FAM114A1: variants seen among roughly 807,000 people sequenced by gnomAD.
FAM114A1 encodes the protein protein NOXP20.
A neutral mutation model predicts 64.3 loss-of-function variants in FAM114A1; 62 were observed. The observed-to-expected ratio is 0.96, with a 90% CI of 0.79 to 1.19. The LOEUF (loss-of-function observed/expected upper bound fraction) is 1.19. Among genes scored for constraint, FAM114A1 ranks in the 50% most tolerant of loss-of-function variants. The pLI is 0.00. For missense variants in FAM114A1, 645 were observed against 676.3 expected (o/e 0.95, Z 0.51); for synonymous variants, 254 against 251.1 (o/e 1.01, Z -0.11).
chr4:38,926,331 G>C (rs1011793274), intron 9 of FAM114A1, among the ~76,000 whole-genome samples: 14 of 152,204 alleles, frequency 9.2e-5, no homozygotes, highest in Admixed American at 4.6e-4. Flanking sequence ...TGCTGCCCAG[G>C]TGTGCCCAGC....
intron 4 of FAM114A1, among the ~76,000 whole-genome samples, chr4:38,900,693 T>G (rs913672112): frequency 1.3e-5 from 2 of 152,132 alleles, no homozygotes; most frequent in African/African-American, 4.8e-5. Context: ...CACTTAGAAA[T>G]AGTCAAAATC....
intron 12 of FAM114A1, 24 bp downstream of exon 12, chr4:38,932,398 C>A (rs1384714446): frequency 1.9e-6 from 3 of 1,576,312 alleles, no homozygotes; most frequent in East Asian, 2.3e-5. Flanking sequence ...ACTTTAAATT[C>A]TTATTTTCCC....
chr4:38,913,097 A>G (rs1718713565), intron 7 of FAM114A1, among the ~76,000 whole-genome samples: 1 of 152,188 alleles, frequency 6.6e-6, no homozygotes, highest in East Asian at 1.9e-4. Context: ...TCTATTCTTC[A>G]GTTGTCTTCC....
intron 3 of FAM114A1, among the ~76,000 whole-genome samples, chr4:38,882,254 G>A (rs1715352042): frequency 7.4e-6 from 1 of 135,578 alleles, no homozygotes; most frequent in African/African-American, 2.8e-5. Flanking sequence ...GGAGCTTGCA[G>A]TGAGCCGAGA....
chr4:38,920,122 G>A (rs1353381849), intron 8 of FAM114A1, among the ~76,000 whole-genome samples: 4 of 151,808 alleles, frequency 2.6e-5, no homozygotes, highest in Middle Eastern at 3.4e-3. Flanking sequence ...CAGGAGAATC[G>A]CTTGAACCCG....
intron 14 of FAM114A1, among the ~76,000 whole-genome samples, chr4:38,943,148 G>C (rs572849555): frequency 3.4e-5 from 5 of 148,006 alleles, no homozygotes; most frequent in South Asian, 2.1e-4. Context: ...AGCCAAGATC[G>C]TGCCTCTGCA....
chr4:38,881,981 A>G (rs1715314620), intron 3 of FAM114A1, among the ~76,000 whole-genome samples: 1 of 152,190 alleles, frequency 6.6e-6, no homozygotes, highest in Admixed American at 6.5e-5. Flanking sequence ...CCCCATGTAC[A>G]TCTACACCTG....
At chr4:38,882,306 G>A (rs1179786590) in intron 3 of FAM114A1, among the ~76,000 whole-genome samples, 9 of 100,882 alleles carry the variant, frequency 8.9e-5, no homozygotes, top group African/African-American at 2.0e-4. Flanking sequence ...GCGACAGAGC[G>A]AGACTCCGTC....
chr4:38,868,934 A>G (rs1191616445), intron 2 of FAM114A1, among the ~76,000 whole-genome samples: 1 of 152,174 alleles, frequency 6.6e-6, no homozygotes, highest in African/African-American at 2.4e-5. Context: ...AAGGAATGAG[A>G]CGTTAGGGAT....
intron 7 of FAM114A1, among the ~76,000 whole-genome samples, chr4:38,913,789 C>T (rs1718784500): frequency 6.6e-6 from 1 of 152,034 alleles, no homozygotes; most frequent in African/African-American, 2.4e-5. Context: ...TAACCACGTA[C>T]ACAAAATTTT....
intron 10 of FAM114A1, 109 bp downstream of exon 10, chr4:38,929,442 A>G: frequency 1.2e-6 from 1 of 818,084 alleles, no homozygotes; most frequent in Admixed American, 2.3e-5. Context: ...CCCAAATCTT[A>G]TGTGGCATAG....
intron 10 of FAM114A1, among the ~76,000 whole-genome samples, chr4:38,929,780 T>G (rs1720479066): frequency 6.6e-6 from 1 of 151,978 alleles, no homozygotes; most frequent in South Asian, 2.1e-4. Context: ...CTCTCTCAAA[T>G]TTTAAAAAAA....
At chr4:38,930,819 A>G (rs972060706) in intron 10 of FAM114A1, among the ~76,000 whole-genome samples, 1 of 152,202 alleles carries the variant, frequency 6.6e-6, no homozygotes, top group Non-Finnish European at 1.5e-5. Flanking sequence ...TAATTTAGCC[A>G]TGATTTTGCA....
chr4:38,914,328 G>T (rs1718837106), intron 7 of FAM114A1, among the ~76,000 whole-genome samples: 1 of 152,092 alleles, frequency 6.6e-6, no homozygotes, highest in African/African-American at 2.4e-5. Context: ...ATGTTGAGAG[G>T]CTGAGGGAGG....
At chr4:38,886,942 A>C (rs1715874418) in intron 3 of FAM114A1, among the ~76,000 whole-genome samples, 1 of 151,968 alleles carries the variant, frequency 6.6e-6, no homozygotes, top group Non-Finnish European at 1.5e-5. Context: ...AAAAAAAAAA[A>C]AAAGGAATGT....
chr4:38,919,909 A>G lies in FAM114A1; in HGVS notation c.946-2861A>G, dbSNP rs143978795. Among the ~76,000 whole-genome samples, 66 of 152,276 alleles carry G rather than the reference A, an allele frequency of 4.3e-4. 1 individual carries two copies. The East Asian group carries it at 0.012, about 28-fold the overall frequency. On this transcript the variant is annotated intron_variant, in intron 8 of 14. Transcript: ENST00000358869. Reference sequence around the variant, plus strand: ...GCGATGCGGTGTTTGATAAAGGTTAAAGAGAAACTAATCATTTTCGGCTGG... The same window carrying G: ...GCGATGCGGTGTTTGATAAAGGTTAGAGAGAAACTAATCATTTTCGGCTGG...
chr4:38,900,620 T>G (rs1356184725), intron 4 of FAM114A1, among the ~76,000 whole-genome samples: 1 of 152,158 alleles, frequency 6.6e-6, no homozygotes, highest in Non-Finnish European at 1.5e-5. Context: ...TTGAGGACAT[T>G]ATGCTAAGTG....
chr4:38,891,640 G>T, intron 3 of FAM114A1, 103 bp from the exon 4 acceptor site: 1 of 949,608 alleles, frequency 1.1e-6, no homozygotes, highest in Non-Finnish European at 1.6e-6. Flanking sequence ...TACGGTTGTT[G>T]GTGATTCTTT....
intron 9 of FAM114A1, among the ~76,000 whole-genome samples, chr4:38,926,202 C>A (rs916224696): frequency 6.6e-6 from 1 of 152,218 alleles, no homozygotes; most frequent in East Asian, 1.9e-4. Context: ...ACAGAACTAC[C>A]AGATGCAGGA....
Sources: allele counts gnomAD v4.1 joint callset (sites outside exome capture counted in the v4.1 genomes callset), GRCh38; gene constraint gnomAD v4.1.1; transcripts MANE v1.5; gene names NCBI Gene and HGNC (gene_info 2026-07-23, HGNC 2026-07-21).